Variants in RASGEF1C observed in about 807,000 individuals in gnomAD.
The protein encoded by RASGEF1C is RasGEF domain family member 1C.
A neutral mutation model predicts 58.1 loss-of-function variants in RASGEF1C; 27 were observed. That is an observed-to-expected ratio of 0.46 (90% CI 0.34 to 0.64). The LOEUF (loss-of-function observed/expected upper bound fraction) is 0.64. RASGEF1C is among the 30% of genes least tolerant of loss of function. RASGEF1C has a pLI of 0.01. For synonymous variants in RASGEF1C, 243 were observed against 246.3 expected (o/e 0.99, Z 0.13); for missense variants, 502 against 605.1 (o/e 0.83, Z 1.79).
chr5:180,143,219 C>T lies in RASGEF1C; in HGVS notation c.-6-5161G>A, dbSNP rs1269168162. 1.3e-5 allele frequency among the ~76,000 whole-genome samples: 2 copies of T among 152,178 alleles called. No homozygotes were observed. The highest frequency in any genetic ancestry group is 4.8e-5 in the African/African-American group (2 of 41,446). ...GGGGGCACTCTGATGCCTGCCAGCA[C>T]CCAGCTGGGCATCCTTCCTTCTGGA... On this transcript the variant is annotated intron_variant, in intron 1 of 13. Transcript: ENST00000361132. This position sits in a 1 kb window ranked among gnomAD's most constrained non-coding sequence, Gnocchi z 4.3.
At chr5:180,115,139 C>T (rs936152285) in intron 10 of RASGEF1C, 11 of 296,602 alleles carry the variant, frequency 3.7e-5, no homozygotes, top group South Asian at 2.4e-4. Context: ...TTCAGCCTCC[C>T]GAGTAGCTGG....
intron 12 of RASGEF1C, among the ~76,000 whole-genome samples, chr5:180,110,528 C>T (rs114472120): frequency 1.1e-3 from 162 of 151,900 alleles, no homozygotes; most frequent in African/African-American, 3.1e-3. Flanking sequence ...TGTGGGGCCG[C>T]GGGGCCATTC....
chr5:180,137,491 C>T lies in RASGEF1C; in HGVS notation c.300+99G>A, dbSNP rs571994054. 72 of 1,499,180 alleles carry T rather than the reference C, an allele frequency of 4.8e-5. No individual in the cohort carries two copies. The East Asian group carries it at 5.7e-4, about 12-fold the overall frequency. 92.9% of individuals were successfully genotyped at this position (1,499,180 alleles called of 1,614,324 possible). A position where few individuals can be genotyped will look rare whatever the true frequency, so the allele number is the denominator to read the frequency against. On this transcript the variant is annotated intron_variant, in intron 3 of 13. Coordinates refer to ENST00000361132, the MANE Select transcript of RASGEF1C (RefSeq NM_175062.4). This position sits in a 1 kb window ranked among gnomAD's most constrained non-coding sequence, Gnocchi z 4.1. ...CCCGGTAGCCACCTTGTCAGGAAAA[C>T]GGGGACAATCATTGCCTCCCCGAGA...
chr5:180,197,557 T>G lies in RASGEF1C; in HGVS notation c.-7+11471A>C, dbSNP rs1265834630. Among the ~76,000 whole-genome samples, 3 of 152,164 alleles carry G rather than the reference T, an allele frequency of 2.0e-5. No individual in the cohort carries two copies. Among genetic ancestry groups the G allele is most frequent in the Admixed American group, 2.0e-4 (3 of 15,264 alleles). ...GTCCACGCTCAAAAATAGCCCAGACTGTCAACCGCACAAACCCCAGACAGC... is the reference window on the plus strand; with the variant it reads ...GTCCACGCTCAAAAATAGCCCAGACGGTCAACCGCACAAACCCCAGACAGC... On this transcript the variant is annotated intron_variant, in intron 1 of 13. Transcript: ENST00000361132. The surrounding 1 kb of genome is among the most constrained non-coding windows in gnomAD (Gnocchi z 4.7).
chr5:180,119,562 G>A, intron 7 of RASGEF1C, 114 bp from the exon 8 acceptor site: 1 of 740,518 alleles, frequency 1.4e-6, no homozygotes, highest in Non-Finnish European at 2.3e-6. Context: ...CACAGCTGAG[G>A]CACTTGAGGC....
intron 12 of RASGEF1C, among the ~76,000 whole-genome samples, chr5:180,109,763 A>G (rs1298327074): frequency 6.6e-6 from 1 of 152,212 alleles, no homozygotes; most frequent in African/African-American, 2.4e-5. Context: ...ACAGCCAAGG[A>G]ATACAGGTGG....
chr5:180,101,403 T>C lies in RASGEF1C; in HGVS notation c.*98A>G. 1 of 1,431,348 alleles carries C rather than the reference T, an allele frequency of 7.0e-7. No individual in the cohort carries two copies. The highest frequency in any genetic ancestry group is 9.6e-7 in the Non-Finnish European group (1 of 1,042,636). 88.7% of individuals were successfully genotyped at this position (1,431,348 alleles called of 1,614,324 possible). On this transcript the variant is annotated 3_prime_UTR_variant, in exon 14 of 14. Coordinates refer to ENST00000361132, the MANE Select transcript of RASGEF1C (RefSeq NM_175062.4). ...CACAGGGTCGGCATTTGCAAAATAG[T>C]GAGGCACTCCCTGGCCTCTGCCCAC... is the stretch of plus-strand genomic sequence containing the variant.
chr5:180,124,040 TAAC>T (rs1285321699), intron 6 of RASGEF1C, among the ~76,000 whole-genome samples: 4 of 151,938 alleles, frequency 2.6e-5, no homozygotes, highest in Admixed American at 6.6e-5. Flanking sequence ...ATTAAATTAA[TAAC>T]AAGAATAAAC....
chr5:180,121,052 C>T lies in RASGEF1C; in HGVS notation c.804+8G>A, dbSNP rs1436709631. 2 of 1,609,978 alleles carry T rather than the reference C, an allele frequency of 1.2e-6. No homozygotes were observed. Among genetic ancestry groups the T allele is most frequent in the Non-Finnish European group, 1.7e-6 (2 of 1,176,332 alleles). On this transcript the variant is annotated splice_region_variant and intron_variant, in intron 7 of 13. Transcript: ENST00000361132. Reference sequence around the variant, plus strand: ...GCCAGGTGGTGCCCACCCTGGCTGTCTACTCACCATGCAGATCTCAGTTGC... The same window carrying T: ...GCCAGGTGGTGCCCACCCTGGCTGTTTACTCACCATGCAGATCTCAGTTGC...
At chr5:180,136,044 C>T (rs1453484267) in intron 4 of RASGEF1C, among the ~76,000 whole-genome samples, 2 of 152,198 alleles carry the variant, frequency 1.3e-5, no homozygotes, top group African/African-American at 2.4e-5. Context: ...GGTAGGTCTC[C>T]GTGGCCAAGG....
At chr5:180,175,037 A>C (rs1439966746) in intron 1 of RASGEF1C, among the ~76,000 whole-genome samples, 1 of 152,146 alleles carries the variant, frequency 6.6e-6, no homozygotes, top group Non-Finnish European at 1.5e-5. Context: ...GGACCCTGGC[A>C]GCTCAGGTGG....
intron 1 of RASGEF1C, among the ~76,000 whole-genome samples, chr5:180,207,417 C>A (rs962157460): frequency 1.3e-5 from 2 of 152,238 alleles, no homozygotes. Flanking sequence ...ACGCAAGGAA[C>A]CAAGGCCCCT....
rs147965791 is a variant in RASGEF1C, at chr5:180,102,715, C to T, written c.1304-572G>A. ...TGTCAAAAATCACCTGGTATATTTG[C>T]GTGGGTCTCTTTCTGGGTTCTCTAT... On this transcript the variant is annotated intron_variant, in intron 12 of 13. Transcript: ENST00000361132. Among the ~76,000 whole-genome samples the T allele has an allele frequency of 9.2e-4, 139 of 151,852 alleles. 1 individual carries two copies. The East Asian group carries it at 0.023, about 25-fold the overall frequency.
In RASGEF1C at chr5:180,209,110, C is replaced by CCCGCCGCCGCCG. The variant is rs768278930; in HGVS notation, c.-101_-90dup. The CCCGCCGCCGCCG allele has an allele frequency of 2.8e-5, 4 of 144,578 alleles. No individual in the cohort carries two copies. The highest frequency in any genetic ancestry group is 1.9e-4 in the South Asian group (1 of 5,392). The allele number at this position is 144,578 out of a possible 1,614,324, so 9.0% of individuals were successfully genotyped here. On this transcript the variant is annotated 5_prime_UTR_variant, in exon 1 of 14. Coordinates refer to ENST00000361132, the MANE Select transcript of RASGEF1C (RefSeq NM_175062.4). ...CTCGGCGCCGCGGACCGGGGCGCCG[C>CCCGCCGCCGCCG]CCGCCGCCGCCGCCGCCGCCGCCGC...
chr5:180,175,912 C>A (rs1344276608), intron 1 of RASGEF1C, among the ~76,000 whole-genome samples: 1 of 152,198 alleles, frequency 6.6e-6, no homozygotes, highest in Admixed American at 6.5e-5. Flanking sequence ...GGCGTGAACC[C>A]GGAAGGCAGA....
At chr5:180,174,668 C>A (rs965769783) in intron 1 of RASGEF1C, among the ~76,000 whole-genome samples, 2 of 152,048 alleles carry the variant, frequency 1.3e-5, no homozygotes, top group African/African-American at 4.8e-5. Context: ...TGCATCTGAA[C>A]CCCCAGCCCA....
chr5:180,101,117 A>C lies in RASGEF1C; in HGVS notation c.*384T>G. On this transcript the variant is annotated 3_prime_UTR_variant, in exon 14 of 14. Transcript: ENST00000361132. Reference sequence around the variant, plus strand: ...AGAAGTTCCCAAGCCACGTGGTGACAGACTGTGGGTGGTGGCCAAAGTGGC... The same window carrying C: ...AGAAGTTCCCAAGCCACGTGGTGACCGACTGTGGGTGGTGGCCAAAGTGGC... 4.4e-6 allele frequency: 1 copy of C among 226,088 alleles called. No individual in the cohort carries two copies. The highest frequency in any genetic ancestry group is 8.7e-6 in the Non-Finnish European group (1 of 115,152). The allele number at this position is 226,088 out of a possible 1,614,324, so 14.0% of individuals were successfully genotyped here. A position where few individuals can be genotyped will look rare whatever the true frequency, so the allele number is the denominator to read the frequency against.
intron 6 of RASGEF1C, among the ~76,000 whole-genome samples, chr5:180,122,506 C>T (rs1295700670): frequency 6.6e-6 from 1 of 151,848 alleles, no homozygotes; most frequent in East Asian, 1.9e-4. Flanking sequence ...TTTGGGAGGC[C>T]AAGGTGGGTG....
At chr5:180,101,613 G>A (rs567007826) in intron 13 of RASGEF1C, 88 bp from the exon 14 acceptor site, 1 of 1,519,256 alleles carries the variant, frequency 6.6e-7, no homozygotes, top group South Asian at 1.2e-5. Flanking sequence ...CTTTCTCAGT[G>A]CGCTGAGGAG....
Sources: allele counts gnomAD v4.1 joint callset (sites outside exome capture counted in the v4.1 genomes callset), GRCh38; gene constraint gnomAD v4.1.1; non-coding constraint Gnocchi (gnomAD v3.1); transcripts MANE v1.5; gene names NCBI Gene and HGNC (gene_info 2026-07-23, HGNC 2026-07-21).